SULF1: variants seen among roughly 807,000 people sequenced by gnomAD.
SULF1 encodes the protein extracellular sulfatase Sulf-1.
In SULF1, 46 loss-of-function variants were observed where a neutral mutation model predicts 110.5. The observed-to-expected ratio is 0.42, with a 90% CI of 0.33 to 0.53. The LOEUF (loss-of-function observed/expected upper bound fraction) is 0.53, where lower values mean the gene tolerates loss of function less well. Among genes scored for constraint, SULF1 ranks in the 20% least tolerant of loss-of-function variants. SULF1 has a pLI of 0.12. For synonymous variants in SULF1, 371 were observed against 387.1 expected, an observed-to-expected ratio of 0.96 and a Z score of 0.49; for missense variants, 941 against 1,094.2, an observed-to-expected ratio of 0.86 and a Z score of 1.98.
intron 3 of SULF1, among the ~76,000 whole-genome samples, chr8:69,502,877 G>A (rs1810914478): frequency 6.6e-6 from 1 of 151,582 alleles, no homozygotes; most frequent in Admixed American, 6.6e-5. Context: ...AGCAGAGATG[G>A]GGTTTCACCA....
intron 5 of SULF1, among the ~76,000 whole-genome samples, chr8:69,567,995 C>CTTGT (rs1224908326): frequency 6.6e-6 from 1 of 152,190 alleles, no homozygotes; most frequent in African/African-American, 2.4e-5. Flanking sequence ...CATGCCCACA[C>CTTGT]TTGTTATTTT....
At chr8:69,476,057 C>T (rs569496818) in intron 1 of SULF1, among the ~76,000 whole-genome samples, 21 of 152,172 alleles carry the variant, frequency 1.4e-4, no homozygotes, top group African/African-American at 3.6e-4. Context: ...GTTAGTGGAG[C>T]GGAACATGAA....
intron 1 of SULF1, among the ~76,000 whole-genome samples, chr8:69,472,103 G>A (rs184177605): frequency 1.6e-4 from 24 of 152,174 alleles, no homozygotes; most frequent in African/African-American, 5.3e-4. Flanking sequence ...TTAAATACAC[G>A]TTGAGGGAGA....
intron 11 of SULF1, 115 bp downstream of exon 11, chr8:69,603,435 C>A: frequency 6.5e-7 from 1 of 1,532,182 alleles, no homozygotes. Flanking sequence ...CCACAAGGAT[C>A]ACCCCAAGCT....
intron 3 of SULF1, among the ~76,000 whole-genome samples, chr8:69,555,747 A>G (rs1815073085): frequency 6.6e-6 from 1 of 152,108 alleles, no homozygotes; most frequent in African/African-American, 2.4e-5. Context: ...TACGACTGTG[A>G]GATAGTATTT....
intron 13 of SULF1, among the ~76,000 whole-genome samples, chr8:69,613,297 A>G (rs985919626): frequency 2.0e-4 from 21 of 104,320 alleles, no homozygotes; most frequent in Non-Finnish European, 3.9e-4. Flanking sequence ...ATGCCTACAG[A>G]TTTGGTTTTT....
intron 2 of SULF1, among the ~76,000 whole-genome samples, chr8:69,496,930 C>G (rs1405573125): frequency 1.3e-5 from 2 of 152,156 alleles, no homozygotes; most frequent in Non-Finnish European, 2.9e-5. Context: ...TCAACTTTCT[C>G]TTGGGTTTGG....
intron 13 of SULF1, among the ~76,000 whole-genome samples, chr8:69,613,302 G>GTT (rs368550157): frequency 0.082 from 9,099 of 110,960 alleles, 398 homozygotes; most frequent in South Asian, 0.19. Flanking sequence ...TACAGATTTG[G>GTT]TTTTTTTTTT....
chr8:69,598,033 C>T (rs765651680), intron 8 of SULF1, among the ~76,000 whole-genome samples: 2 of 150,852 alleles, frequency 1.3e-5, no homozygotes, highest in African/African-American at 2.4e-5. Context: ...ATGAAGAATA[C>T]GAAACATGGG....
At chr8:69,628,080 CTTCT>C (rs1810236194) in intron 17 of SULF1, 87 bp from the exon 18 acceptor site, 3 of 1,131,146 alleles carry the variant, frequency 2.7e-6, no homozygotes, top group East Asian at 2.3e-5. Flanking sequence ...CACTGCCTTC[CTTCT>C]TTCTATTTTG....
At chr8:69,601,947 A>G in intron 10 of SULF1, 118 bp downstream of exon 10, 1 of 1,054,146 alleles carries the variant, frequency 9.5e-7, no homozygotes. Context: ...GGATGTGTGT[A>G]GGCTGGTTAA....
intron 5 of SULF1, among the ~76,000 whole-genome samples, chr8:69,570,423 G>T (rs1302028057): frequency 3.3e-5 from 5 of 152,186 alleles, no homozygotes; most frequent in African/African-American, 1.2e-4. Context: ...TATCGGGAAA[G>T]GTAAAGCTTT....
intron 15 of SULF1, 29 bp from the exon 16 acceptor site, chr8:69,627,181 A>G: frequency 6.5e-7 from 1 of 1,533,982 alleles, no homozygotes; most frequent in East Asian, 2.2e-5. Context: ...ATATAAACCT[A>G]TTTCACATGG....
chr8:69,506,235 T>TACAC (rs10656748), intron 3 of SULF1, among the ~76,000 whole-genome samples: 46,065 of 149,716 alleles, frequency 0.31, 7,124 homozygotes, highest in Non-Finnish European at 0.34. Flanking sequence ...ACACTAAACA[T>TACAC]ACACACACAC....
intron 3 of SULF1, among the ~76,000 whole-genome samples, chr8:69,550,728 C>T (rs1037275841): frequency 6.6e-6 from 1 of 152,182 alleles, no homozygotes; most frequent in Non-Finnish European, 1.5e-5. Context: ...GTTTTCCCTT[C>T]TCAACTGGGT....
chr8:69,636,817 G>A (rs1415042281), intron 19 of SULF1, among the ~76,000 whole-genome samples: 5 of 152,168 alleles, frequency 3.3e-5, no homozygotes, highest in Admixed American at 6.5e-5. Flanking sequence ...TGCAGACATT[G>A]CAGTTTTTGA....
At chr8:69,644,354 G>A (rs1427726554) in intron 22 of SULF1, among the ~76,000 whole-genome samples, 1 of 152,206 alleles carries the variant, frequency 6.6e-6, no homozygotes, top group Non-Finnish European at 1.5e-5. Flanking sequence ...CATTGGTAAA[G>A]GATAATGCTG....
At chr8:69,551,315 G>A (rs563252290) in intron 3 of SULF1, among the ~76,000 whole-genome samples, 1 of 152,298 alleles carries the variant, frequency 6.6e-6, no homozygotes, top group South Asian at 2.1e-4. Context: ...TCTGGCCCCT[G>A]TCAGAGTCCG....
chr8:69,466,799 A>G (rs187842089), exon 1 of SULF1: 3 of 152,496 alleles, frequency 2.0e-5, no homozygotes, highest in African/African-American at 7.2e-5. Context: ...GTGTCATCAC[A>G]TTCGAGTGGG....
Sources: allele counts gnomAD v4.1 joint callset (sites outside exome capture counted in the v4.1 genomes callset), GRCh38; gene constraint gnomAD v4.1.1; transcripts MANE v1.5; gene names NCBI Gene and HGNC (gene_info 2026-07-23, HGNC 2026-07-21).